Variants in SHC4 observed in about 807,000 individuals in gnomAD.
SHC4 encodes the protein SHC adaptor protein 4.
A neutral mutation model predicts 69.4 loss-of-function variants in SHC4; 41 were observed. The ratio of observed to expected loss-of-function variants is 0.59; its 90% CI spans 0.46 to 0.77. The LOEUF is 0.77. SHC4 is among the 30% of genes least tolerant of loss of function. The pLI is 0.00. For synonymous variants in SHC4, 318 were observed against 299.3 expected (o/e 1.06, Z -0.64); for missense variants, 777 against 783.8 (o/e 0.99, Z 0.10).
intron 5 of SHC4, among the ~76,000 whole-genome samples, chr15:48,871,017 A>C (rs1392640968): frequency 6.6e-6 from 1 of 152,148 alleles, no homozygotes; most frequent in Non-Finnish European, 1.5e-5. Flanking sequence ...CATCCTCTAT[A>C]TCTTTCTTGG....
chr15:48,936,564 C>G (rs952364848), intron 1 of SHC4, among the ~76,000 whole-genome samples: 1 of 152,158 alleles, frequency 6.6e-6, no homozygotes, highest in African/African-American at 2.4e-5. Flanking sequence ...AAGCTTGTGC[C>G]TGCTTCCCCT....
chr15:48,956,297 G>A (rs561175739), intron 1 of SHC4, among the ~76,000 whole-genome samples: 15 of 152,134 alleles, frequency 9.9e-5, no homozygotes, highest in South Asian at 2.1e-4. Flanking sequence ...GTACCTGAGC[G>A]ACCCAGGTCT....
chr15:48,948,714 T>C (rs1901315578), intron 1 of SHC4, among the ~76,000 whole-genome samples: 1 of 152,106 alleles, frequency 6.6e-6, no homozygotes, highest in African/African-American at 2.4e-5. Context: ...GAGACCAGCC[T>C]GGGCAACATA....
chr15:48,872,089 A>G lies in SHC4; in HGVS notation c.894T>C (p.Pro298=). The G allele has an allele frequency of 6.3e-7, 1 of 1,583,394 alleles. No individual in the cohort carries two copies. The highest frequency in any genetic ancestry group is 8.6e-7 in the Non-Finnish European group (1 of 1,158,448). ...QSISFASGGD[P]DTTDYVAYVA... Reference sequence around the variant, plus strand: ...AGAACTTCTGTGAATCCATACTTACAGGATCCCCTCCAGAGGCAAATGAAA... The same window carrying G: ...AGAACTTCTGTGAATCCATACTTACGGGATCCCCTCCAGAGGCAAATGAAA... Residue 298 remains proline (P), a splice_region_variant and synonymous_variant, in exon 5 of 12, where the codon CCT becomes CCC. Coordinates refer to ENST00000332408, the MANE Select transcript of SHC4 (RefSeq NM_203349.4).
chr15:48,945,533 G>C (rs755571478), intron 1 of SHC4, among the ~76,000 whole-genome samples: 4 of 152,148 alleles, frequency 2.6e-5, no homozygotes, highest in Non-Finnish European at 5.9e-5. Flanking sequence ...TATTATACTG[G>C]AATAAAAAGA....
chr15:48,841,188 G>A (rs1386768042), intron 10 of SHC4, among the ~76,000 whole-genome samples: 2 of 152,144 alleles, frequency 1.3e-5, no homozygotes, highest in Non-Finnish European at 2.9e-5. Context: ...CACTAAATAA[G>A]TTCTCTGATA....
In SHC4 at chr15:48,850,307, A is replaced by C. The variant is rs557426905; in HGVS notation, c.1303+881T>G. Among the ~76,000 whole-genome samples the C allele has an allele frequency of 1.9e-3, 289 of 152,256 alleles. 2 individuals carry two copies. Among genetic ancestry groups the C allele is most frequent in the Non-Finnish European group, 3.3e-3 (227 of 68,018 alleles). On this transcript the variant is annotated intron_variant, in intron 9 of 11. Transcript: ENST00000332408. ...GTTTACAAGATAGAGGAAGGTGGTA[A>C]TCATACCTATACCAGAAAGAATAAA...
intron 4 of SHC4, among the ~76,000 whole-genome samples, chr15:48,875,523 G>C (rs1174071671): frequency 6.6e-6 from 1 of 152,236 alleles, no homozygotes; most frequent in East Asian, 1.9e-4. Context: ...ACCACAACTA[G>C]ATGAACTGAT....
At chr15:48,952,925 C>T (rs1901388856) in intron 1 of SHC4, among the ~76,000 whole-genome samples, 1 of 152,100 alleles carries the variant, frequency 6.6e-6, no homozygotes, top group Non-Finnish European at 1.5e-5. Context: ...GGTATATACC[C>T]AAAGGAATAT....
chr15:48,906,960 A>G (rs1900415440), intron 2 of SHC4, among the ~76,000 whole-genome samples: 1 of 152,244 alleles, frequency 6.6e-6, no homozygotes, highest in Admixed American at 6.5e-5. Flanking sequence ...CATGTTACAA[A>G]TTAATATGCA....
At chr15:48,836,388 A>C (rs903124833) in intron 10 of SHC4, among the ~76,000 whole-genome samples, 2 of 152,166 alleles carry the variant, frequency 1.3e-5, no homozygotes, top group African/African-American at 2.4e-5. Context: ...AGAGGTCCCT[A>C]GCAGGTAGCA....
At chr15:48,826,924 T>C (rs1275587556) in intron 11 of SHC4, among the ~76,000 whole-genome samples, 1 of 152,218 alleles carries the variant, frequency 6.6e-6, no homozygotes, top group East Asian at 1.9e-4. Context: ...TAGTAGCTGA[T>C]TCACAGATAT....
At chr15:48,902,958 A>G (rs1256218139) in intron 2 of SHC4, among the ~76,000 whole-genome samples, 13 of 152,178 alleles carry the variant, frequency 8.5e-5, no homozygotes, top group Admixed American at 8.5e-4. Context: ...TTAAACTTGC[A>G]TACACTTAAC....
intron 6 of SHC4, among the ~76,000 whole-genome samples, chr15:48,859,139 T>C (rs1382144046): frequency 6.6e-6 from 1 of 152,216 alleles, no homozygotes; most frequent in Non-Finnish European, 1.5e-5. Flanking sequence ...AGGCAATTCA[T>C]TCACATCTAA....
intron 2 of SHC4, among the ~76,000 whole-genome samples, chr15:48,893,695 A>T (rs1470956494): frequency 6.6e-6 from 1 of 152,248 alleles, no homozygotes; most frequent in South Asian, 2.1e-4. Context: ...AAAAGATACA[A>T]AACCCAGTGT....
chr15:48,932,971 G>A (rs1469041837), intron 1 of SHC4, among the ~76,000 whole-genome samples: 1 of 151,966 alleles, frequency 6.6e-6, no homozygotes, highest in African/African-American at 2.4e-5. Flanking sequence ...ATCACATTAA[G>A]GACTTAAATA....
intron 2 of SHC4, among the ~76,000 whole-genome samples, chr15:48,922,638 C>A (rs1026869284): frequency 1.3e-5 from 2 of 152,222 alleles, no homozygotes; most frequent in African/African-American, 4.8e-5. Flanking sequence ...TACTTTCACA[C>A]TGGGAATTAA....
At chr15:48,911,198 T>C (rs987369511) in intron 2 of SHC4, among the ~76,000 whole-genome samples, 3 of 152,186 alleles carry the variant, frequency 2.0e-5, no homozygotes, top group Non-Finnish European at 4.4e-5. Flanking sequence ...TTGCTGTTTA[T>C]CTCATTTCTT....
chr15:48,920,677 C>T (rs999111601), intron 2 of SHC4, among the ~76,000 whole-genome samples: 1 of 152,032 alleles, frequency 6.6e-6, no homozygotes, highest in African/African-American at 2.4e-5. Flanking sequence ...ATATCAAAAG[C>T]CTTTAAAACA....
Sources: allele counts gnomAD v4.1 joint callset (sites outside exome capture counted in the v4.1 genomes callset), GRCh38; gene constraint gnomAD v4.1.1; transcripts MANE v1.5; gene names NCBI Gene and HGNC (gene_info 2026-07-23, HGNC 2026-07-21).